The following PHACTR1 variants were observed in gnomAD, a reference collection of about 807,000 sequenced individuals.
PHACTR1 encodes RPEL repeat containing 1.
In PHACTR1, 16 loss-of-function variants were observed where a neutral mutation model predicts 69.2. The observed-to-expected ratio is 0.23, with a 90% confidence interval of 0.16 to 0.35. PHACTR1 has a LOEUF of 0.35. Ranked by LOEUF, PHACTR1 falls within the 10% of genes least tolerant of loss-of-function variation. The pLI is 1.00. For synonymous variants in PHACTR1, 312 were observed against 284.5 expected, an observed-to-expected ratio of 1.10 and a Z score of -0.97; for missense variants, 510 against 734.7, an observed-to-expected ratio of 0.69 and a Z score of 3.54.
chr6:12,959,450 A>G (rs1280877481), intron 4 of PHACTR1, among the ~76,000 whole-genome samples: 2 of 152,228 alleles, frequency 1.3e-5, no homozygotes, highest in East Asian at 3.8e-4. Flanking sequence ...AAGCTAAAAA[A>G]GCATAACAAA....
At chr6:13,129,863 T>A (rs1380383932) in intron 5 of PHACTR1, among the ~76,000 whole-genome samples, 2 of 151,834 alleles carry the variant, frequency 1.3e-5, no homozygotes, top group African/African-American at 2.4e-5. Flanking sequence ...ACATTTTTTT[T>A]AATACATGGA....
intron 4 of PHACTR1, among the ~76,000 whole-genome samples, chr6:12,774,636 C>T (rs1769821902): frequency 6.6e-6 from 1 of 152,178 alleles, no homozygotes; most frequent in African/African-American, 2.4e-5. Flanking sequence ...TCCTGACCTC[C>T]TGATCCACCT....
intron 3 of PHACTR1, among the ~76,000 whole-genome samples, chr6:12,733,437 G>C (rs1763822357): frequency 6.6e-6 from 1 of 152,128 alleles, no homozygotes; most frequent in Non-Finnish European, 1.5e-5. Context: ...ATCAAAAACT[G>C]ACCGAATACC....
intron 4 of PHACTR1, among the ~76,000 whole-genome samples, chr6:12,944,598 C>T (rs1360586502): frequency 6.6e-6 from 1 of 152,116 alleles, no homozygotes; most frequent in East Asian, 1.9e-4. Flanking sequence ...TTCAAAAGAA[C>T]ATATCTGTCC....
At chr6:13,156,332 C>A (rs911385698) in intron 5 of PHACTR1, among the ~76,000 whole-genome samples, 3 of 152,198 alleles carry the variant, frequency 2.0e-5, no homozygotes, top group African/African-American at 7.2e-5. Context: ...TCCAGCATGT[C>A]ACTTTAACTT....
At chr6:12,990,132 GT>G (rs1796650702) in intron 4 of PHACTR1, among the ~76,000 whole-genome samples, 1 of 152,162 alleles carries the variant, frequency 6.6e-6, no homozygotes, top group African/African-American at 2.4e-5. Flanking sequence ...TTTCCCAACA[GT>G]TTTCTAAGGT....
chr6:12,788,048 C>T lies in PHACTR1; in HGVS notation c.250+38258C>T, dbSNP rs866718786. Among the ~76,000 whole-genome samples the T allele has an allele frequency of 2.0e-5, 3 of 152,148 alleles. No individual in the cohort carries two copies. In the Middle Eastern group the frequency reaches 0.01, roughly 518 times the overall value. On this transcript the variant is annotated intron_variant, in intron 4 of 14. Transcript: ENST00000332995. ...GAGCACTCGCCTGTAGTCCCAGCTA[C>T]TCGGTAGGCTGAGGCAGGAGGATAG...
intron 7 of PHACTR1, among the ~76,000 whole-genome samples, chr6:13,199,818 T>C (rs1764966424): frequency 6.6e-6 from 1 of 152,174 alleles, no homozygotes; most frequent in African/African-American, 2.4e-5. Context: ...ATAAGACATC[T>C]TATCATTTAC....
chr6:13,080,593 G>A (rs528985542), intron 5 of PHACTR1, among the ~76,000 whole-genome samples: 66 of 152,214 alleles, frequency 4.3e-4, no homozygotes, highest in Middle Eastern at 3.4e-3. Flanking sequence ...GATAAAAGCC[G>A]GGTTTTGTCA....
intron 4 of PHACTR1, among the ~76,000 whole-genome samples, chr6:13,025,820 A>G (rs1341099028): frequency 1.3e-5 from 2 of 152,076 alleles, no homozygotes; most frequent in African/African-American, 4.8e-5. Flanking sequence ...TAGGAATATA[A>G]CATTTTTAGA....
chr6:13,101,522 T>C (rs1318019832), intron 5 of PHACTR1, among the ~76,000 whole-genome samples: 1 of 152,214 alleles, frequency 6.6e-6, no homozygotes, highest in Non-Finnish European at 1.5e-5. Flanking sequence ...CTCACGTGAT[T>C]TCCGTCTACC....
Position 12,738,788 on chromosome 6 carries a change from C to T in PHACTR1, c.104-10856C>T, listed in dbSNP as rs545174922. ...CTGAGGCAGGAGAATCCCCTTGAAC[C>T]TGGGAGGCGGAAGTTGCAGTGAGCC... On this transcript the variant is annotated intron_variant, in intron 3 of 14. Transcript: ENST00000332995. 5.9e-5 allele frequency among the ~76,000 whole-genome samples: 9 copies of T among 152,260 alleles called. No homozygotes were observed. In the South Asian group the frequency reaches 1.9e-3, roughly 32 times the overall value.
At chr6:13,068,505 T>G (rs1809016181) in intron 5 of PHACTR1, among the ~76,000 whole-genome samples, 1 of 152,200 alleles carries the variant, frequency 6.6e-6, no homozygotes, top group Admixed American at 6.5e-5. Context: ...ATTTCCTATT[T>G]TCAGTCTGTG....
intron 5 of PHACTR1, among the ~76,000 whole-genome samples, chr6:13,087,071 A>G (rs1400355661): frequency 6.7e-6 from 1 of 150,248 alleles, no homozygotes; most frequent in African/African-American, 2.4e-5. Flanking sequence ...TATTTTGACC[A>G]TTTTTTAAAC....
chr6:13,236,902 G>A (rs1772075141), intron 10 of PHACTR1, among the ~76,000 whole-genome samples: 1 of 152,152 alleles, frequency 6.6e-6, no homozygotes, highest in African/African-American at 2.4e-5. Flanking sequence ...AAGTGAAGCA[G>A]ACAGTGAGGA....
chr6:13,228,050 C>T lies in PHACTR1; in HGVS notation c.1221C>T (p.Ser407=), dbSNP rs750699388. ...AGGAGGAGGACGAAGACGACGACAGCTCATTATACACCAGTGCGTTCATCT... is the reference window on the plus strand; with the variant it reads ...AGGAGGAGGACGAAGACGACGACAGTTCATTATACACCAGTGCGTTCATCT... ...EEEEEDEDDD[S]SLYTSSLAMK... Residue 407 remains serine, a synonymous_variant, in exon 9 of 15, where the codon AGC becomes AGT. Transcript: ENST00000332995. 5 of 1,612,162 alleles carry T rather than the reference C, an allele frequency of 3.1e-6. No homozygotes were observed. The highest frequency in any genetic ancestry group is 1.1e-5 in the South Asian group (1 of 91,080).
intron 4 of PHACTR1, among the ~76,000 whole-genome samples, chr6:12,919,016 C>T (rs1373110451): frequency 2.0e-5 from 3 of 152,114 alleles, no homozygotes; most frequent in Non-Finnish European, 4.4e-5. Flanking sequence ...GAGATGGAGA[C>T]GGAGTTTTGC....
chr6:13,197,550 T>A (rs957489798), intron 7 of PHACTR1, among the ~76,000 whole-genome samples: 2 of 150,982 alleles, frequency 1.3e-5, no homozygotes, highest in African/African-American at 2.5e-5. Context: ...CTTTTTTTTT[T>A]ATTATTATTA....
At chr6:13,239,518 A>T (rs563730940) in intron 10 of PHACTR1, among the ~76,000 whole-genome samples, 1 of 150,876 alleles carries the variant, frequency 6.6e-6, no homozygotes, top group South Asian at 2.1e-4. Flanking sequence ...GGGCTTATTT[A>T]AAAAAAAAAT....
Sources: gnomAD v4.1 joint callset for allele counts (sites outside exome capture counted in the v4.1 genomes callset) on GRCh38, gnomAD v4.1.1 for gene constraint, MANE v1.5 for transcripts, NCBI Gene and HGNC (gene_info 2026-07-23, HGNC 2026-07-21) for gene names.